MID1: variants seen among roughly 807,000 people sequenced by gnomAD.
MID1 encodes the protein midline 1, also known as E3 ubiquitin-protein ligase Midline-1.
In MID1, 7 loss-of-function variants were observed where a neutral mutation model predicts 40.4. The ratio of observed to expected loss-of-function variants is 0.17; its 90% confidence interval spans 0.10 to 0.33. The LOEUF (loss-of-function observed/expected upper bound fraction) is 0.33, where lower values mean the gene tolerates loss of function less well. Ranked by LOEUF, MID1 falls within the 10% of genes least tolerant of loss-of-function variation. The pLI is 1.00. For missense variants in MID1, 367 were observed against 558.5 expected, an observed-to-expected ratio of 0.66 and a Z score of 3.46; for synonymous variants, 229 against 221.2, an observed-to-expected ratio of 1.04 and a Z score of -0.31.
At chrX:10,543,997 T>C (rs377379476) in intron 2 of MID1, among the ~76,000 whole-genome samples, 1 of 111,023 alleles carries the variant, frequency 9.0e-6, no homozygotes, top group African/African-American at 3.3e-5. Flanking sequence ...CAGAGTGAGA[T>C]TCTGTCTCAA....
At chrX:10,704,737 T>TACACACACAC (rs1463296582) in intron 1 of MID1, among the ~76,000 whole-genome samples, 68 of 86,705 alleles carry the variant, frequency 7.8e-4, no homozygotes, top group African/African-American at 2.0e-3. Flanking sequence ...TATATATATA[T>TACACACACAC]ATACACACAC....
chrX:10,822,127 T>C (rs2044179079), intron 1 of MID1, among the ~76,000 whole-genome samples: 1 of 111,611 alleles, frequency 9.0e-6, no homozygotes, highest in Admixed American at 9.6e-5. Context: ...AGCATGGTAC[T>C]TGTACAAAAA....
chrX:10,701,826 C>T (rs1292735868), intron 1 of MID1, among the ~76,000 whole-genome samples: 1 of 112,231 alleles, frequency 8.9e-6, no homozygotes, highest in Non-Finnish European at 1.9e-5. Context: ...TACCTATTCT[C>T]ATAAAGAAAA....
At chrX:10,506,070 A>T in intron 3 of MID1, 2 of 789,072 alleles carry the variant, frequency 2.5e-6, no homozygotes, top group Non-Finnish European at 3.0e-6. Context: ...TGACGCACCC[A>T]CAAGTGATAT....
intron 1 of MID1, among the ~76,000 whole-genome samples, chrX:10,783,396 G>T (rs1239097095): frequency 1.8e-5 from 2 of 111,376 alleles, no homozygotes; most frequent in Non-Finnish European, 3.8e-5. Flanking sequence ...TTCCCTCCTT[G>T]TTTTCCTCAT....
chrX:10,797,209 A>C (rs2043973461), intron 1 of MID1, among the ~76,000 whole-genome samples: 2 of 111,694 alleles, frequency 1.8e-5, no homozygotes, highest in African/African-American at 6.5e-5. Context: ...TTATTTTCAG[A>C]TGTAAAATAG....
chrX:10,476,014 A>G (rs186337636), intron 5 of MID1, among the ~76,000 whole-genome samples: 1 of 111,742 alleles, frequency 8.9e-6, no homozygotes, highest in East Asian at 2.8e-4. Flanking sequence ...ATATATCTAT[A>G]CAACAGGATA....
At chrX:10,456,874 A>AG (rs111651945) in intron 8 of MID1, among the ~76,000 whole-genome samples, 3,250 of 111,512 alleles carry the variant, frequency 0.029, 105 homozygotes, top group African/African-American at 0.1. Flanking sequence ...AAAGCTTTAA[A>AG]GGGGGAGCAG....
chrX:10,501,230 AC>A (rs1931524546), intron 3 of MID1, among the ~76,000 whole-genome samples: 1 of 110,967 alleles, frequency 9.0e-6, no homozygotes, highest in Non-Finnish European at 1.9e-5. Context: ...AATCGCTTGA[AC>A]CCAGGAGTCG....
chrX:10,745,655 C>T (rs2043552491), intron 1 of MID1, among the ~76,000 whole-genome samples: 1 of 112,485 alleles, frequency 8.9e-6, no homozygotes, highest in Middle Eastern at 4.7e-3. Context: ...AAAGGCAGAG[C>T]GTTATGTTTG....
At chrX:10,521,538 G>A (rs1454425011) in intron 3 of MID1, among the ~76,000 whole-genome samples, 2 of 111,369 alleles carry the variant, frequency 1.8e-5, no homozygotes, top group Non-Finnish European at 3.8e-5. Context: ...GCTTAAAAGT[G>A]TAATGAATGA....
intron 1 of MID1, among the ~76,000 whole-genome samples, chrX:10,777,580 G>C (rs1348589208): frequency 3.9e-5 from 4 of 103,737 alleles, no homozygotes; most frequent in Non-Finnish European, 7.8e-5. Context: ...CACTCTTGTT[G>C]CCCAGGCCGG....
chrX:10,552,048 C>G (rs1483363427), intron 2 of MID1, among the ~76,000 whole-genome samples: 1 of 110,664 alleles, frequency 9.0e-6, no homozygotes, highest in Admixed American at 9.7e-5. Context: ...CCTCAGCCTC[C>G]CAAAGTTCTG....
At chrX:10,463,418 A>G (rs1391253982) in intron 7 of MID1, among the ~76,000 whole-genome samples, 1 of 112,008 alleles carries the variant, frequency 8.9e-6, no homozygotes, top group Non-Finnish European at 1.9e-5. Flanking sequence ...TGAGCATTAT[A>G]TCTTCTCATT....
chrX:10,558,736 C>T (rs1183262086), intron 2 of MID1, among the ~76,000 whole-genome samples: 1 of 112,703 alleles, frequency 8.9e-6, no homozygotes, highest in Non-Finnish European at 1.9e-5. Flanking sequence ...CTTTATTTTG[C>T]TCTCCCAATT....
rs1165852585 is a variant in MID1, at chrX:10,446,948, A to T, written c.*2420T>A. 1.8e-5 allele frequency: 2 copies of T among 112,150 alleles called. No homozygotes were observed. Among genetic ancestry groups the T allele is most frequent in the Non-Finnish European group, 3.8e-5 (2 of 53,298 alleles). 9.2% of individuals were successfully genotyped at this position (112,150 alleles called of 1,213,427 possible). A position where few individuals can be genotyped will look rare whatever the true frequency, so the allele number is the denominator to read the frequency against. ...AAATACTGTGACCTCAATCAGTTTA[A>T]AGAGAATGCAAAATTACACTGCAGC... On this transcript the variant is annotated 3_prime_UTR_variant, in exon 10 of 10. Coordinates refer to ENST00000317552, the MANE Select transcript of MID1 (RefSeq NM_000381.4).
chrX:10,719,221 A>G (rs1174983252), intron 1 of MID1, among the ~76,000 whole-genome samples: 5 of 107,334 alleles, frequency 4.7e-5, no homozygotes, highest in African/African-American at 1.0e-4. Context: ...AGAAGGAAAT[A>G]AAGGGTATTC....
At chrX:10,484,770 G>C in intron 4 of MID1, among the ~76,000 whole-genome samples, 1 of 111,715 alleles carries the variant, frequency 9.0e-6, no homozygotes, top group Non-Finnish European at 1.9e-5. Context: ...ATTTCAACAA[G>C]CAACAAATGT....
rs1399673631 is a variant in MID1 at position 10,533,387 on chromosome X, AAAG to A, written c.661-10203_661-10201del. ...AAGAAAGAAAGAAAGAAAAAGAAAG[AAAG>A]AAAAGAAAGAAAGAAAGAAAGAAAG... is the stretch of plus-strand genomic sequence containing the variant. On this transcript the variant is annotated intron_variant, in intron 2 of 9. Transcript: ENST00000317552. Among the ~76,000 whole-genome samples the A allele has an allele frequency of 7.5e-4, 55 of 73,515 alleles. No homozygotes were observed. In the South Asian group the frequency reaches 0.021, roughly 27 times the overall value. The allele number at this position is 73,515 out of a possible 115,157, so 63.8% of individuals were successfully genotyped here.
Sources: allele counts gnomAD v4.1 joint callset (sites outside exome capture counted in the v4.1 genomes callset), GRCh38; gene constraint gnomAD v4.1.1; transcripts MANE v1.5; gene names NCBI Gene and HGNC (gene_info 2026-07-23, HGNC 2026-07-21).